KCNQ3: variants seen among roughly 807,000 people sequenced by gnomAD.
The protein encoded by KCNQ3 is potassium voltage-gated channel subfamily KQT member 3.
A neutral mutation model predicts 92.5 loss-of-function variants in KCNQ3; 30 were observed. The ratio of observed to expected loss-of-function variants is 0.32; its 90% CI spans 0.24 to 0.44. KCNQ3 has a LOEUF of 0.44. KCNQ3 is among the 20% of genes least tolerant of loss of function. KCNQ3 has a pLI of 1.00. For synonymous variants in KCNQ3, 450 were observed against 468.8 expected (o/e 0.96, Z 0.52); for missense variants, 913 against 1,140.3 (o/e 0.80, Z 2.87).
chr8:132,402,739 C>A (rs1348221469), intron 1 of KCNQ3, among the ~76,000 whole-genome samples: 1 of 151,762 alleles, frequency 6.6e-6, no homozygotes, highest in African/African-American at 2.4e-5. Flanking sequence ...ATGTATTGGC[C>A]CGGCGCGGTG....
chr8:132,184,139 G>T, intron 3 of KCNQ3, 102 bp downstream of exon 3: 1 of 1,462,484 alleles, frequency 6.8e-7, no homozygotes, highest in Non-Finnish European at 9.6e-7. Context: ...CCTCCACAGT[G>T]CCGCGTGATT....
At chr8:132,130,217 G>A (rs1346195220) in intron 14 of KCNQ3, among the ~76,000 whole-genome samples, 1 of 151,882 alleles carries the variant, frequency 6.6e-6, no homozygotes, top group Non-Finnish European at 1.5e-5. Flanking sequence ...AAGTAGCTGG[G>A]ATTACAGGCA....
intron 1 of KCNQ3, among the ~76,000 whole-genome samples, chr8:132,229,683 G>A (rs571084037): frequency 2.1e-4 from 32 of 152,026 alleles, no homozygotes; most frequent in African/African-American, 7.2e-4. Flanking sequence ...TTAAACCACA[G>A]GAGCCAAGCA....
At chr8:132,281,799 G>A (rs1218108284) in intron 1 of KCNQ3, among the ~76,000 whole-genome samples, 1 of 152,174 alleles carries the variant, frequency 6.6e-6, no homozygotes, top group Non-Finnish European at 1.5e-5. Context: ...ACCCTGCAGT[G>A]GCTTTCACTG....
chr8:132,440,795 G>A (rs1205151445), intron 1 of KCNQ3, among the ~76,000 whole-genome samples: 2 of 152,132 alleles, frequency 1.3e-5, no homozygotes, highest in Non-Finnish European at 2.9e-5. Context: ...CACCCTCACA[G>A]AATGTTAAAG....
intron 1 of KCNQ3, among the ~76,000 whole-genome samples, chr8:132,439,066 T>TA: frequency 6.6e-6 from 1 of 151,408 alleles, no homozygotes; most frequent in South Asian, 2.1e-4. Context: ...CCATCCCACT[T>TA]ACGCCAGCTC....
chr8:132,306,712 T>C (rs900416737), intron 1 of KCNQ3, among the ~76,000 whole-genome samples: 1 of 152,212 alleles, frequency 6.6e-6, no homozygotes, highest in Non-Finnish European at 1.5e-5. Context: ...CCTCGAAGGA[T>C]GTAGCGGTAA....
chr8:132,321,028 C>G (rs140525070), intron 1 of KCNQ3, among the ~76,000 whole-genome samples: 1 of 152,238 alleles, frequency 6.6e-6, no homozygotes, highest in African/African-American at 2.4e-5. Context: ...TGGTCTAAGA[C>G]AGGACCTGGT....
intron 1 of KCNQ3, among the ~76,000 whole-genome samples, chr8:132,296,230 C>A (rs1448481098): frequency 6.6e-6 from 1 of 152,082 alleles, no homozygotes; most frequent in East Asian, 1.9e-4. Context: ...GACAGTGCTG[C>A]CTTAGGGCGG....
chr8:132,235,786 T>C (rs528948562), intron 1 of KCNQ3, among the ~76,000 whole-genome samples: 2 of 152,318 alleles, frequency 1.3e-5, no homozygotes, highest in African/African-American at 4.8e-5. Flanking sequence ...CTTTGCATCA[T>C]TTAGATCTCA....
At chr8:132,465,882 A>C (rs144035742) in intron 1 of KCNQ3, among the ~76,000 whole-genome samples, 30 of 152,302 alleles carry the variant, frequency 2.0e-4, no homozygotes, top group African/African-American at 6.7e-4. Flanking sequence ...ACTGGACTCC[A>C]GCCTGGGAGA....
intron 12 of KCNQ3, among the ~76,000 whole-genome samples, 177 bp downstream of exon 12, chr8:132,137,708 C>T (rs1825148568): frequency 6.6e-6 from 1 of 152,272 alleles, no homozygotes; most frequent in Non-Finnish European, 1.5e-5. Context: ...ACAGCTATTT[C>T]ACAGTCTGTC....
intron 1 of KCNQ3, among the ~76,000 whole-genome samples, chr8:132,439,381 G>A (rs1021971846): frequency 8.6e-5 from 13 of 152,014 alleles, no homozygotes; most frequent in African/African-American, 1.7e-4. Flanking sequence ...GCAGGACCGC[G>A]GCTTCATGGC....
chr8:132,226,701 G>A (rs988502750), intron 1 of KCNQ3, among the ~76,000 whole-genome samples: 4 of 152,156 alleles, frequency 2.6e-5, no homozygotes, highest in East Asian at 3.9e-4. Flanking sequence ...GGTATCAAGT[G>A]TCAGTGAGCT....
chr8:132,443,475 G>A (rs1303985637), intron 1 of KCNQ3, among the ~76,000 whole-genome samples: 1 of 152,174 alleles, frequency 6.6e-6, no homozygotes, highest in Non-Finnish European at 1.5e-5. Context: ...GGATGGAGAT[G>A]TCCACGTGTC....
chr8:132,359,426 T>A (rs1422136730), intron 1 of KCNQ3, among the ~76,000 whole-genome samples: 1 of 152,172 alleles, frequency 6.6e-6, no homozygotes. Context: ...GCTCACTGTG[T>A]CCTGCTGGGT....
intron 1 of KCNQ3, among the ~76,000 whole-genome samples, chr8:132,235,273 G>T (rs900944381): frequency 1.3e-5 from 2 of 152,050 alleles, no homozygotes; most frequent in Admixed American, 6.6e-5. Context: ...CCAAGGGTGG[G>T]GGGGGAATCA....
intron 1 of KCNQ3, among the ~76,000 whole-genome samples, chr8:132,272,157 A>G (rs1816168979): frequency 6.6e-6 from 1 of 152,230 alleles, no homozygotes; most frequent in South Asian, 2.1e-4. Flanking sequence ...TTAAATCTGT[A>G]AAATGGAGAG....
chr8:132,263,056 C>T (rs1815844288), intron 1 of KCNQ3, among the ~76,000 whole-genome samples: 1 of 152,266 alleles, frequency 6.6e-6, no homozygotes, highest in Admixed American at 6.5e-5. Context: ...ATCTATCTGA[C>T]CCGAAAGCCA....
Sources: gnomAD v4.1 joint callset for allele counts (sites outside exome capture counted in the v4.1 genomes callset) on GRCh38, gnomAD v4.1.1 for gene constraint, MANE v1.5 for transcripts, NCBI Gene and HGNC (gene_info 2026-07-23, HGNC 2026-07-21) for gene names.